Variants in ACTA2 observed in about 807,000 individuals in gnomAD.
ACTA2 encodes actin alpha 2, smooth muscle, also known as actin, aortic smooth muscle.
Under a neutral mutation model 39.5 loss-of-function variants are expected in ACTA2, and 12 were observed. That is an observed-to-expected ratio of 0.30 (90% CI 0.19 to 0.49). The LOEUF (loss-of-function observed/expected upper bound fraction) is 0.49. Among genes scored for constraint, ACTA2 ranks in the 20% least tolerant of loss-of-function variants. The pLI, the probability that ACTA2 is intolerant of heterozygous loss-of-function variation, is 0.99. For missense variants in ACTA2, 236 were observed against 498.8 expected (o/e 0.47, Z 5.02); for synonymous variants, 158 against 180.6 (o/e 0.88, Z 1.00).
intron 1 of ACTA2, chr10:88,974,472 T>A (rs2133331638): frequency 6.6e-6 from 1 of 152,340 alleles, no homozygotes; most frequent in Admixed American, 6.5e-5. Context: ...ATGTTGGTGG[T>A]CTTTTAAAAA....
chr10:88,965,948 G>A (rs1846311330), intron 1 of ACTA2, among the ~76,000 whole-genome samples: 1 of 152,182 alleles, frequency 6.6e-6, no homozygotes, highest in Non-Finnish European at 1.5e-5. Context: ...TGGTGAGTTA[G>A]AGCAGAGTTT....
chr10:88,947,337 G>C lies in ACTA2; in HGVS notation c.179C>G (p.Ala60Gly). Residue 60 changes from alanine to glycine, a missense_variant, in exon 3 of 9, where the codon GCA becomes GGA. Ala to Gly is a moderately conservative substitution (Grantham distance 60). Transcript: ENST00000224784. ...GQKDSYVGDEAQSKRGILTLK... is the reference protein window; with the variant it reads ...GQKDSYVGDEGQSKRGILTLK... ...GGTCAGGATTCCTCTTTTGCTCTGT[G>C]CTTCGTCACCCACGTAGCTGTCTTT... 2 of 1,613,930 alleles carry C rather than the reference G, an allele frequency of 1.2e-6. No individual in the cohort carries two copies. Among genetic ancestry groups the C allele is most frequent in the Non-Finnish European group, 1.7e-6 (2 of 1,179,902 alleles).
intron 1 of ACTA2, chr10:88,974,925 T>A (rs1039271506): frequency 6.6e-6 from 1 of 152,340 alleles, no homozygotes; most frequent in Non-Finnish European, 1.5e-5. Flanking sequence ...GATCAGCCAC[T>A]TGCTGGCTTG....
At chr10:88,943,124 A>G (rs904828854) in intron 4 of ACTA2, among the ~76,000 whole-genome samples, 9 of 152,228 alleles carry the variant, frequency 5.9e-5, no homozygotes, top group African/African-American at 2.2e-4. Flanking sequence ...CTTGACCATA[A>G]CAAGTATAGA....
intron 1 of ACTA2, among the ~76,000 whole-genome samples, chr10:88,968,379 A>G (rs1846359548): frequency 6.6e-6 from 1 of 152,168 alleles, no homozygotes. Context: ...GTTTTTGATC[A>G]TCTTGGGTTT....
rs1589388817 is a variant in ACTA2, at chr10:88,935,315, G to C, written c.1042C>G (p.Leu348Val). 1.2e-6 allele frequency: 2 copies of C among 1,613,872 alleles called. No homozygotes were observed. Residue 348 changes from leucine to valine, a missense_variant, in exon 9 of 9, where the codon CTG becomes GTG. Transcript: ENST00000224784. ...TGCTGGAAGGTGGACAGAGAGGCCA[G>C]GATGGAGCCACCGATCCAGACAGAG... ...KYSVWIGGSI[L>V]ASLSTFQQMW... is the part of the protein sequence containing the mutation.
chr10:88,968,323 A>G (rs1846358131), intron 1 of ACTA2, among the ~76,000 whole-genome samples: 1 of 152,222 alleles, frequency 6.6e-6, no homozygotes, highest in South Asian at 2.1e-4. Flanking sequence ...TATGTAATAC[A>G]GGTGATTCCT....
Position 88,990,675 on chromosome 10 carries a change from T to A in ACTA2, c.-24+264A>T. ...ATCTCGCGCAAGAGTGACACACAGG[T>A]GTTCAAAGACGCTTCTGGGGAGTGA... On this transcript the variant is annotated intron_variant, in intron 1 of 4. Coordinates refer to the ACTA2 transcript ENST00000415557. The surrounding 1 kb of genome is among the most constrained non-coding windows in gnomAD (Gnocchi z 4.9). 1.4e-6 allele frequency: 1 copy of A among 704,710 alleles called. No individual in the cohort carries two copies. The highest frequency in any genetic ancestry group is 2.6e-6 in the Non-Finnish European group (1 of 388,664). 43.7% of individuals were successfully genotyped at this position (704,710 alleles called of 1,614,324 possible).
rs993046317 is a variant in ACTA2 at position 88,988,419 on chromosome 10, T to G, written c.-24+2520A>C. On this transcript the variant is annotated intron_variant, in intron 1 of 4. Coordinates refer to the ACTA2 transcript ENST00000415557. ...TTAGTGGTAAAAAGATGTAGAAGTT[T>G]TTTTTTTTTTTTGTTTTGTTTTTTA... is the stretch of plus-strand genomic sequence containing the variant. 5.1e-4 allele frequency among the ~76,000 whole-genome samples: 3 copies of G among 5,906 alleles called. No individual in the cohort carries two copies. In the East Asian group the frequency reaches 0.028, roughly 55 times the overall value. 3.9% of individuals were successfully genotyped at this position (5,906 alleles called of 152,430 possible). A position where few individuals can be genotyped will look rare whatever the true frequency, so the allele number is the denominator to read the frequency against.
chr10:88,952,970 T>A (rs568033176), upstream of ACTA2, among the ~76,000 whole-genome samples: 55 of 152,370 alleles, frequency 3.6e-4, no homozygotes, highest in African/African-American at 1.3e-3. Context: ...GGTCTGCTCA[T>A]GAAACGGGAG....
rs760683850 is a variant in ACTA2 at position 88,973,347 on chromosome 10, G to T, written c.-24+17592C>A. ...AGAAGTGGAATGGAGAAGGTGATTAGGTAATCCAAGAATTGCCAGGCGAAC... is the reference window on the plus strand; with the variant it reads ...AGAAGTGGAATGGAGAAGGTGATTATGTAATCCAAGAATTGCCAGGCGAAC... On this transcript the variant is annotated intron_variant, in intron 1 of 4. Transcript: ENST00000415557. 7.4e-6 allele frequency: 11 copies of T among 1,495,974 alleles called. No individual in the cohort carries two copies. In the South Asian group the frequency reaches 8.3e-5, roughly 11 times the overall value. The allele number at this position is 1,495,974 out of a possible 1,614,324, so 92.7% of individuals were successfully genotyped here.
upstream of ACTA2, among the ~76,000 whole-genome samples, chr10:88,953,942 C>G (rs940918556): frequency 6.6e-6 from 1 of 152,052 alleles, no homozygotes; most frequent in Non-Finnish European, 1.5e-5. Flanking sequence ...TATAAATTAC[C>G]CAGTCTTGGG....
chr10:88,985,376 C>A (rs1457874243), intron 1 of ACTA2, among the ~76,000 whole-genome samples: 8 of 152,124 alleles, frequency 5.3e-5, no homozygotes, highest in Non-Finnish European at 1.0e-4. Flanking sequence ...ACTCTTTCTC[C>A]CCATTGTCCT....
intron 1 of ACTA2, among the ~76,000 whole-genome samples, chr10:88,962,953 ATATATATATATATATATATATAT>A (rs1846257086): frequency 1.3e-4 from 2 of 15,278 alleles, no homozygotes; most frequent in African/African-American, 1.4e-3. Flanking sequence ...ATATATATAT[ATATATATATATATATATATATAT>A]AATATTTTTT....
chr10:88,959,663 T>G (rs1846195908), intron 1 of ACTA2, among the ~76,000 whole-genome samples: 1 of 152,268 alleles, frequency 6.6e-6, no homozygotes, highest in Non-Finnish European at 1.5e-5. Flanking sequence ...CCATAATTAA[T>G]GAACTGATAT....
chr10:88,939,862 C>A, intron 6 of ACTA2, 164 bp from the exon 7 acceptor site: 1 of 716,596 alleles, frequency 1.4e-6, no homozygotes. Flanking sequence ...CGTAGTAGGG[C>A]CACCAGGGAA....
intron 1 of ACTA2, among the ~76,000 whole-genome samples, chr10:88,958,163 T>A (rs79668517): frequency 6.6e-6 from 1 of 152,340 alleles, no homozygotes; most frequent in African/African-American, 2.4e-5. Flanking sequence ...TATAATAATA[T>A]GTCCAACTAT....
At chr10:88,946,200 C>T (rs935211614) in intron 3 of ACTA2, among the ~76,000 whole-genome samples, 19 of 151,232 alleles carry the variant, frequency 1.3e-4, no homozygotes, top group Non-Finnish European at 7.4e-5. Context: ...CTCCTGGGCT[C>T]GAATGATGCT....
intron 8 of ACTA2, among the ~76,000 whole-genome samples, chr10:88,936,282 G>C (rs1001963913): frequency 6.6e-6 from 1 of 152,150 alleles, no homozygotes; most frequent in African/African-American, 2.4e-5. Flanking sequence ...GTTCTCCCAG[G>C]TGGTTTTATG....
Sources: allele counts gnomAD v4.1 joint callset (sites outside exome capture counted in the v4.1 genomes callset), GRCh38; gene constraint gnomAD v4.1.1; non-coding constraint Gnocchi (gnomAD v3.1); transcripts MANE v1.5; gene names NCBI Gene and HGNC (gene_info 2026-07-23, HGNC 2026-07-21).